The following PRKN variants were observed in gnomAD, a reference collection of about 807,000 sequenced individuals.
PRKN encodes E3 ubiquitin-protein ligase parkin.
In PRKN, 56 loss-of-function variants were observed where a neutral mutation model predicts 59.5. The observed-to-expected ratio is 0.94, with a 90% confidence interval of 0.76 to 1.18. The LOEUF is 1.18. PRKN is among the 50% of genes most tolerant of loss of function. The probability of loss-of-function intolerance (pLI) is 0.00; values close to 1 mark genes in which losing one functional copy is unlikely to be tolerated. For missense variants in PRKN, 657 were observed against 596.4 expected, an observed-to-expected ratio of 1.10 and a Z score of -1.06; for synonymous variants, 250 against 222.1, an observed-to-expected ratio of 1.13 and a Z score of -1.12.
At chr6:161,601,698 T>C (rs1782111452) in intron 7 of PRKN, among the ~76,000 whole-genome samples, 1 of 151,364 alleles carries the variant, frequency 6.6e-6, no homozygotes, top group East Asian at 2.0e-4. Context: ...TTCTCCTGCC[T>C]CAGCCTCCCG....
At chr6:161,597,648 G>A (rs1273974957) in intron 7 of PRKN, among the ~76,000 whole-genome samples, 2 of 152,176 alleles carry the variant, frequency 1.3e-5, no homozygotes, top group Admixed American at 1.3e-4. Context: ...AGGGACAAGT[G>A]TGACAGTTAC....
At chr6:162,116,653 G>C (rs1314843128) in intron 4 of PRKN, among the ~76,000 whole-genome samples, 1 of 152,150 alleles carries the variant, frequency 6.6e-6, no homozygotes, top group Non-Finnish European at 1.5e-5. Context: ...GTCACTATGG[G>C]TTCAGAGATA....
intron 4 of PRKN, among the ~76,000 whole-genome samples, chr6:162,100,656 G>A (rs1779929892): frequency 6.6e-6 from 1 of 152,018 alleles, no homozygotes; most frequent in African/African-American, 2.4e-5. Context: ...TGGCCAGGCT[G>A]CTCTCAAACT....
intron 2 of PRKN, among the ~76,000 whole-genome samples, chr6:162,370,778 A>G (rs12212927): frequency 0.68 from 104,110 of 152,098 alleles, 37,490 homozygotes; most frequent in African/African-American, 0.91. Flanking sequence ...ATGTCCTGGC[A>G]TATGAATGGT....
At chr6:162,468,244 T>A (rs1428043841) in intron 1 of PRKN, among the ~76,000 whole-genome samples, 2 of 152,220 alleles carry the variant, frequency 1.3e-5, no homozygotes, top group Non-Finnish European at 2.9e-5. Flanking sequence ...CTCGTCTCAC[T>A]AATTAGAATG....
chr6:161,985,640 T>C (rs1345325830), intron 5 of PRKN, among the ~76,000 whole-genome samples: 1 of 152,230 alleles, frequency 6.6e-6, no homozygotes, highest in Non-Finnish European at 1.5e-5. Flanking sequence ...ACACTTATTC[T>C]AATTAACAAT....
chr6:161,914,326 C>T (rs1295693222), intron 6 of PRKN, among the ~76,000 whole-genome samples: 2 of 151,978 alleles, frequency 1.3e-5, no homozygotes, highest in Admixed American at 1.3e-4. Flanking sequence ...CTATTTGTGA[C>T]CTTTTATGAA....
chr6:161,612,680 C>T (rs565108497), intron 7 of PRKN, among the ~76,000 whole-genome samples: 15 of 142,756 alleles, frequency 1.1e-4, no homozygotes, highest in South Asian at 2.2e-4. Flanking sequence ...GAGATCATGC[C>T]GCTGCACTCC....
intron 1 of PRKN, among the ~76,000 whole-genome samples, chr6:162,701,402 A>G (rs1257909330): frequency 6.6e-6 from 1 of 152,180 alleles, no homozygotes; most frequent in Non-Finnish European, 1.5e-5. Flanking sequence ...AACTTTTATC[A>G]GAACCGTGGT....
At chr6:162,119,434 A>C (rs894951927) in intron 4 of PRKN, among the ~76,000 whole-genome samples, 3 of 152,154 alleles carry the variant, frequency 2.0e-5, no homozygotes, top group Non-Finnish European at 4.4e-5. Context: ...CTATAGACAC[A>C]ACTGTGCCAA....
chr6:162,641,920 G>A (rs1777978045), intron 1 of PRKN, among the ~76,000 whole-genome samples: 1 of 152,094 alleles, frequency 6.6e-6, no homozygotes. Context: ...ATAAAAACAA[G>A]GCAAATACAA....
rs1562425162 is a variant in PRKN at position 161,405,615 on chromosome 6, T to A, written c.1084-18738A>T. ...AAATAAAATAAAAATTAAAAATAAA[T>A]AAATAAATAAATAAATAAATAAATA... On this transcript the variant is annotated intron_variant, in intron 9 of 11. Transcript: ENST00000366898. This position sits in a 1 kb window ranked among gnomAD's most constrained non-coding sequence, Gnocchi z 5.1. 8.8e-6 allele frequency among the ~76,000 whole-genome samples: 1 copy of A among 113,068 alleles called. No individual in the cohort carries two copies. Among genetic ancestry groups the A allele is most frequent in the Non-Finnish European group, 2.0e-5 (1 of 50,482 alleles). 74.2% of individuals were successfully genotyped at this position (113,068 alleles called of 152,430 possible).
intron 9 of PRKN, among the ~76,000 whole-genome samples, chr6:161,427,834 T>C (rs1788454929): frequency 6.6e-6 from 1 of 152,192 alleles, no homozygotes; most frequent in Non-Finnish European, 1.5e-5. Context: ...AATCTGCAGA[T>C]TTCCATATGC....
At chr6:161,670,673 G>A (rs192536351) in intron 7 of PRKN, among the ~76,000 whole-genome samples, 11 of 152,212 alleles carry the variant, frequency 7.2e-5, no homozygotes, top group East Asian at 5.8e-4. Context: ...AAAATTAGCC[G>A]GGCGTGGTGG....
chr6:162,307,154 A>C (rs115713054), intron 2 of PRKN, among the ~76,000 whole-genome samples: 5,745 of 152,052 alleles, frequency 0.038, 343 homozygotes, highest in African/African-American at 0.13. Flanking sequence ...AATCCCCTCA[A>C]TTTGGGAAGC....
chr6:161,490,201 C>A (rs16892620), intron 9 of PRKN, among the ~76,000 whole-genome samples: 3,850 of 152,250 alleles, frequency 0.025, 154 homozygotes, highest in African/African-American at 0.088. Context: ...AGGCTTTGAA[C>A]TCTTACCCAG....
At chr6:162,548,707 A>G (rs575375604) in intron 1 of PRKN, among the ~76,000 whole-genome samples, 12 of 152,296 alleles carry the variant, frequency 7.9e-5, no homozygotes, top group African/African-American at 2.6e-4. Flanking sequence ...TTGAGCTGCA[A>G]TGAGCTCAGG....
intron 4 of PRKN, among the ~76,000 whole-genome samples, chr6:162,127,253 C>A (rs1781162465): frequency 6.6e-6 from 1 of 152,186 alleles, no homozygotes; most frequent in South Asian, 2.1e-4. Flanking sequence ...GCACTCAATG[C>A]CAAATGACTT....
Position 162,056,929 on chromosome 6 carries a change from C to T in PRKN, c.535-2755G>A, listed in dbSNP as rs112851493. ...GGGGGAGGACTCAGAGCCTTGCCTG[C>T]GGTTTCCTCTAAACTCCTCCCCCTG... On this transcript the variant is annotated intron_variant, in intron 4 of 11. Transcript: ENST00000366898. The surrounding 1 kb of genome is among the most constrained non-coding windows in gnomAD (Gnocchi z 4.9). Among the ~76,000 whole-genome samples, 4 of 152,252 alleles carry T rather than the reference C, an allele frequency of 2.6e-5. No homozygotes were observed. Among genetic ancestry groups the T allele is most frequent in the South Asian group, 2.1e-4 (1 of 4,826 alleles).
Sources: gnomAD v4.1 joint callset for allele counts (sites outside exome capture counted in the v4.1 genomes callset) on GRCh38, gnomAD v4.1.1 for gene constraint, Gnocchi (gnomAD v3.1) non-coding constraint, MANE v1.5 for transcripts, NCBI Gene and HGNC (gene_info 2026-07-23, HGNC 2026-07-21) for gene names.